Variants in TPTE observed in about 807,000 individuals in gnomAD.
TPTE encodes the protein putative tyrosine-protein phosphatase TPTE.
Under a neutral mutation model 84.1 loss-of-function variants are expected in TPTE, and 59 were observed. The observed-to-expected ratio is 0.70, with a 90% confidence interval of 0.57 to 0.87. TPTE has a LOEUF of 0.87. TPTE is among the 40% of genes least tolerant of loss of function. TPTE has a pLI of 0.00. For missense variants in TPTE, 382 were observed against 659.6 expected (o/e 0.58, Z 4.61); for synonymous variants, 130 against 223.5 (o/e 0.58, Z 3.73).
chr21:10,581,671 A>G (rs1432286691), intron 17 of TPTE, among the ~76,000 whole-genome samples: 26 of 152,350 alleles, frequency 1.7e-4, no homozygotes, highest in African/African-American at 6.0e-4. Context: ...TTGTAATTAT[A>G]TTCTCCCCAC....
chr21:10,589,060 A>G (rs1436707135), intron 17 of TPTE, among the ~76,000 whole-genome samples: 9 of 152,306 alleles, frequency 5.9e-5, no homozygotes, highest in Non-Finnish European at 1.0e-4. Context: ...CAGTGTCACT[A>G]CATTCAGATT....
chr21:10,524,765 A>G (rs370310668), intron 2 of TPTE, 77 bp downstream of exon 2: 2 of 152,730 alleles, frequency 1.3e-5, no homozygotes, highest in East Asian at 1.9e-4. Flanking sequence ...TTCACGTCCA[A>G]AGATGTGCTT....
chr21:10,527,149 T>TCACA (rs1277546815), intron 2 of TPTE, among the ~76,000 whole-genome samples: 87 of 149,088 alleles, frequency 5.8e-4, no homozygotes, highest in African/African-American at 1.7e-3. Context: ...TCTCTCTCTC[T>TCACA]CTCTCTCTCA....
intron 9 of TPTE, among the ~76,000 whole-genome samples, chr21:10,560,676 TTGGTATAAACTTCTTA>T: frequency 6.6e-6 from 1 of 152,430 alleles, no homozygotes; most frequent in South Asian, 2.1e-4. Flanking sequence ...TTATGAGAAA[TTGGTATAAACTTCTTA>T]TGAAATTCGC....
intron 3 of TPTE, among the ~76,000 whole-genome samples, chr21:10,537,188 C>A (rs1204802187): frequency 6.6e-6 from 1 of 152,306 alleles, no homozygotes. Context: ...TAAAGTAAAC[C>A]ATCAAATGCT....
chr21:10,596,589 C>T (rs2075593570), intron 20 of TPTE, among the ~76,000 whole-genome samples: 1 of 152,312 alleles, frequency 6.6e-6, no homozygotes, highest in Admixed American at 6.5e-5. Context: ...AACCCTCTCA[C>T]TCCCAGCTTA....
intron 7 of TPTE, among the ~76,000 whole-genome samples, 155 bp downstream of exon 7, chr21:10,543,537 CAA>C (rs1211944394): frequency 7.2e-5 from 11 of 152,408 alleles, no homozygotes; most frequent in African/African-American, 1.4e-4. Context: ...AATGGAAACA[CAA>C]AACACGGAGA....
At chr21:10,540,897 A>G (rs1198560872) in intron 4 of TPTE, among the ~76,000 whole-genome samples, 3 of 152,312 alleles carry the variant, frequency 2.0e-5, no homozygotes, top group Non-Finnish European at 4.4e-5. Context: ...ATCTGCATGC[A>G]TCGCTATGGT....
At position 10,602,090 on chromosome 21, in the gene TPTE, A is replaced by G. The variant is rs1978604474; in HGVS notation, c.1389A>G (p.Leu463=). 1 of 1,613,136 alleles carries G rather than the reference A, an allele frequency of 6.2e-7. No homozygotes were observed. Among genetic ancestry groups the G allele is most frequent in the Non-Finnish European group, 8.5e-7 (1 of 1,179,102 alleles). Residue 463 remains leucine, a synonymous_variant, in exon 22 of 24, where the codon TTA becomes TTG. Coordinates refer to ENST00000618007, the MANE Select transcript of TPTE (RefSeq NM_199261.4). ...ATAACATTACAACAGACAAAATATT[A>G]ATTGATGTATTCGACGGTCTACCTC... ...VLDNITTDKI[L]IDVFDGLPLY...
At chr21:10,545,806 T>C (rs1334229887) in intron 7 of TPTE, among the ~76,000 whole-genome samples, 1 of 151,728 alleles carries the variant, frequency 6.6e-6, no homozygotes, top group Non-Finnish European at 1.5e-5. Context: ...CATATTTAAA[T>C]GTGTGTATAT....
At chr21:10,570,290 C>T (rs1478975937) in intron 13 of TPTE, among the ~76,000 whole-genome samples, 195 bp from the exon 14 acceptor site, 1 of 152,312 alleles carries the variant, frequency 6.6e-6, no homozygotes, top group Non-Finnish European at 1.5e-5. Flanking sequence ...AACTCCATGG[C>T]AGTTTAATGG....
At chr21:10,555,666 TATC>T (rs1331288152) in intron 8 of TPTE, among the ~76,000 whole-genome samples, 5 of 152,428 alleles carry the variant, frequency 3.3e-5, no homozygotes, top group South Asian at 2.1e-4. Flanking sequence ...TGGTTTTATT[TATC>T]ATCTTTTTCT....
chr21:10,542,612 C>G (rs2074391550), intron 6 of TPTE, among the ~76,000 whole-genome samples, 164 bp downstream of exon 6: 1 of 152,184 alleles, frequency 6.6e-6, no homozygotes, highest in Non-Finnish European at 1.5e-5. Context: ...TCCATTCATC[C>G]ATCCATCCAC....
intron 17 of TPTE, among the ~76,000 whole-genome samples, chr21:10,588,522 T>G (rs2075408109): frequency 1.3e-5 from 2 of 152,304 alleles, no homozygotes; most frequent in South Asian, 2.1e-4. Flanking sequence ...ATCTCACAGG[T>G]GCCGTCTGGC....
At chr21:10,556,377 C>A (rs1344490668) in intron 8 of TPTE, among the ~76,000 whole-genome samples, 2 of 152,310 alleles carry the variant, frequency 1.3e-5, no homozygotes, top group Admixed American at 6.5e-5. Context: ...TGAACTCATC[C>A]TTTTTTATGG....
chr21:10,560,466 G>A (rs1454967605), intron 9 of TPTE, among the ~76,000 whole-genome samples: 2 of 152,308 alleles, frequency 1.3e-5, no homozygotes, highest in Non-Finnish European at 2.9e-5. Context: ...GTAACAGCAA[G>A]TGGCAGGAGG....
At chr21:10,545,309 C>G (rs1004653979) in intron 7 of TPTE, among the ~76,000 whole-genome samples, 1 of 152,246 alleles carries the variant, frequency 6.6e-6, no homozygotes, top group South Asian at 2.1e-4. Flanking sequence ...TGTTAAGGCC[C>G]AGGAGCACCT....
At chr21:10,544,983 T>TA (rs1425157898) in intron 7 of TPTE, among the ~76,000 whole-genome samples, 4 of 152,310 alleles carry the variant, frequency 2.6e-5, no homozygotes, top group African/African-American at 9.6e-5. Flanking sequence ...AAAAATTAAA[T>TA]ACCATGTTTC....
intron 1 of TPTE, among the ~76,000 whole-genome samples, chr21:10,523,721 A>C (rs1274245405): frequency 1.3e-5 from 2 of 152,412 alleles, no homozygotes; most frequent in South Asian, 4.1e-4. Flanking sequence ...GGTTGGTTCC[A>C]AGTCTTTGCT....
Sources: gnomAD v4.1 joint callset for allele counts (sites outside exome capture counted in the v4.1 genomes callset) on GRCh38, gnomAD v4.1.1 for gene constraint, MANE v1.5 for transcripts, NCBI Gene and HGNC (gene_info 2026-07-23, HGNC 2026-07-21) for gene names.